Variants in WWOX observed in about 807,000 individuals in gnomAD.
WWOX encodes the protein WW domain containing oxidoreductase.
Under a neutral mutation model 46.2 loss-of-function variants are expected in WWOX, and 69 were observed. The ratio of observed to expected loss-of-function variants is 1.49; its 90% CI spans 1.23 to 1.82. The LOEUF (loss-of-function observed/expected upper bound fraction) is 1.82. Among genes scored for constraint, WWOX ranks in the 40% most tolerant of loss-of-function variants. The pLI, the probability that WWOX is intolerant of heterozygous loss-of-function variation, is 0.00. For synonymous variants in WWOX, 359 were observed against 202.6 expected, an observed-to-expected ratio of 1.77 and a Z score of -6.56; for missense variants, 919 against 542.6, an observed-to-expected ratio of 1.69 and a Z score of -6.89.
chr16:78,417,040 G>GGTGTGTGTGTGTGTGTGTGT (rs143606762), intron 6 of WWOX, among the ~76,000 whole-genome samples: 3,923 of 151,342 alleles, frequency 0.026, 180 homozygotes, highest in African/African-American at 0.089. Flanking sequence ...ACCCTTTGGG[G>GGTGTGTGTGTGTGTGTGTGT]GTGTGTGTGT....
At chr16:78,166,192 C>T (rs4887940) in intron 5 of WWOX, among the ~76,000 whole-genome samples, 20,172 of 151,786 alleles carry the variant, frequency 0.13, 1,549 homozygotes, top group East Asian at 0.22. Flanking sequence ...CTTAGTACTG[C>T]AGGAGATCTC....
At position 78,700,952 on chromosome 16, in the gene WWOX, C is replaced by G. The variant is rs147460835; in HGVS notation, c.1056+268200C>G. 1.2e-4 allele frequency among the ~76,000 whole-genome samples: 18 copies of G among 152,256 alleles called. No individual in the cohort carries two copies. In the East Asian group the frequency reaches 3.5e-3, roughly 29 times the overall value. On this transcript the variant is annotated intron_variant, in intron 8 of 8. Coordinates refer to ENST00000566780, the MANE Select transcript of WWOX (RefSeq NM_016373.4). ...AAGAAATTGATATTTATTGAGGGCT[C>G]TCAGTGGGTGTTGTAGGGGGAAGGA...
chr16:79,197,191 G>C (rs527683330), intron 8 of WWOX, among the ~76,000 whole-genome samples: 3 of 152,092 alleles, frequency 2.0e-5, no homozygotes, highest in Admixed American at 2.0e-4. Flanking sequence ...GCTGGTTTGG[G>C]TTTATACATT....
At chr16:78,903,150 C>G (rs2044871794) in intron 8 of WWOX, among the ~76,000 whole-genome samples, 1 of 152,194 alleles carries the variant, frequency 6.6e-6, no homozygotes, top group Non-Finnish European at 1.5e-5. Flanking sequence ...GATAGAGAAT[C>G]TTCTGGAGTC....
intron 4 of WWOX, among the ~76,000 whole-genome samples, chr16:78,144,450 C>CAT (rs1555543045): frequency 2.0e-4 from 5 of 24,936 alleles, no homozygotes; most frequent in Non-Finnish European, 3.8e-4. Context: ...TATATATACA[C>CAT]ATATATATAT....
intron 8 of WWOX, among the ~76,000 whole-genome samples, chr16:78,536,456 C>G (rs760142402): frequency 2.6e-5 from 4 of 151,760 alleles, no homozygotes; most frequent in Non-Finnish European, 5.9e-5. Flanking sequence ...GCAGCCTTGC[C>G]CACTGAGCTG....
intron 8 of WWOX, among the ~76,000 whole-genome samples, chr16:78,714,644 C>T (rs190480014): frequency 8.8e-4 from 134 of 152,090 alleles, no homozygotes; most frequent in African/African-American, 2.3e-3. Flanking sequence ...GTGTCCCAGG[C>T]GGAGGAAACG....
At chr16:78,804,252 C>T (rs1382421271) in intron 8 of WWOX, among the ~76,000 whole-genome samples, 4 of 152,096 alleles carry the variant, frequency 2.6e-5, no homozygotes, top group Admixed American at 1.3e-4. Flanking sequence ...CTAATAAATT[C>T]TGAGGGCTGA....
intron 6 of WWOX, among the ~76,000 whole-genome samples, chr16:78,403,772 G>A (rs2082466257): frequency 6.6e-6 from 1 of 152,208 alleles, no homozygotes; most frequent in Non-Finnish European, 1.5e-5. Flanking sequence ...AATGTGTTCT[G>A]CCTAGGCATT....
At chr16:78,971,722 C>T (rs1422910131) in intron 8 of WWOX, among the ~76,000 whole-genome samples, 9 of 151,512 alleles carry the variant, frequency 5.9e-5, no homozygotes, top group Non-Finnish European at 8.8e-5. Flanking sequence ...CCCCCCACCC[C>T]GATCCCCACC....
At chr16:79,096,016 ATTTT>A (rs57621801) in intron 8 of WWOX, among the ~76,000 whole-genome samples, 47 of 82,012 alleles carry the variant, frequency 5.7e-4, no homozygotes, top group African/African-American at 2.0e-3. Context: ...CACCCGGATA[ATTTT>A]TTTTTTTTTT....
rs140783937 is a variant in WWOX at position 78,989,516 on chromosome 16, G to T, written c.1057-222092G>T. Among the ~76,000 whole-genome samples the T allele has an allele frequency of 1.6e-4, 25 of 152,300 alleles. 1 individual carries two copies. In the East Asian group the frequency reaches 2.5e-3, roughly 15 times the overall value. On this transcript the variant is annotated intron_variant, in intron 8 of 8. Coordinates refer to ENST00000566780, the MANE Select transcript of WWOX (RefSeq NM_016373.4). Reference sequence around the variant, plus strand: ...ATGGCTCCACCACCAGTCAAAGGTAGTGGGGCCAGCAGTGGACTCCTGTGT... The same window carrying T: ...ATGGCTCCACCACCAGTCAAAGGTATTGGGGCCAGCAGTGGACTCCTGTGT...
intron 8 of WWOX, among the ~76,000 whole-genome samples, chr16:79,043,546 G>A (rs956544666): frequency 2.0e-5 from 3 of 152,184 alleles, no homozygotes; most frequent in Non-Finnish European, 4.4e-5. Flanking sequence ...GGATCCGACA[G>A]CTTGCATGTG....
intron 8 of WWOX, among the ~76,000 whole-genome samples, chr16:78,557,027 A>T (rs1366074196): frequency 6.6e-6 from 1 of 152,164 alleles, no homozygotes; most frequent in Non-Finnish European, 1.5e-5. Context: ...CGGCAAACTT[A>T]CTTTAAAACA....
intron 5 of WWOX, among the ~76,000 whole-genome samples, chr16:78,173,420 C>G (rs976912115): frequency 1.3e-5 from 2 of 151,624 alleles, no homozygotes; most frequent in African/African-American, 2.4e-5. Flanking sequence ...TCCTGAGTAG[C>G]TGGGACTACA....
chr16:79,135,778 C>T (rs1302028664), intron 8 of WWOX, among the ~76,000 whole-genome samples: 3 of 152,138 alleles, frequency 2.0e-5, no homozygotes, highest in Non-Finnish European at 4.4e-5. Context: ...AAAATCCTCA[C>T]CATTATTTCT....
intron 8 of WWOX, among the ~76,000 whole-genome samples, chr16:78,862,183 G>A (rs1212442302): frequency 6.6e-6 from 1 of 150,878 alleles, no homozygotes; most frequent in Non-Finnish European, 1.5e-5. Context: ...CACACCGATG[G>A]GTGTGTCTGT....
intron 8 of WWOX, among the ~76,000 whole-genome samples, chr16:78,641,594 G>C (rs1250000970): frequency 6.6e-6 from 1 of 152,158 alleles, no homozygotes; most frequent in Non-Finnish European, 1.5e-5. Context: ...AGGGAAACAT[G>C]AAAGGGAGCC....
chr16:78,739,545 CT>C (rs1218870495), intron 8 of WWOX, among the ~76,000 whole-genome samples: 4 of 152,132 alleles, frequency 2.6e-5, no homozygotes, highest in Non-Finnish European at 4.4e-5. Context: ...GGCATGGTGG[CT>C]CACGCCTGTA....
Sources: allele counts gnomAD v4.1 joint callset (sites outside exome capture counted in the v4.1 genomes callset), GRCh38; gene constraint gnomAD v4.1.1; transcripts MANE v1.5; gene names NCBI Gene and HGNC (gene_info 2026-07-23, HGNC 2026-07-21).